RELN: variants seen among roughly 807,000 people sequenced by gnomAD.
RELN encodes the protein reelin.
A neutral mutation model predicts 427.6 loss-of-function variants in RELN; 108 were observed. The observed-to-expected ratio is 0.25, with a 90% CI of 0.22 to 0.30. The LOEUF (loss-of-function observed/expected upper bound fraction) is 0.30. Ranked by LOEUF, RELN falls within the 10% of genes least tolerant of loss-of-function variation. RELN has a pLI of 1.00. For synonymous variants in RELN, 1,524 were observed against 1,513.4 expected (o/e 1.01, Z -0.16); for missense variants, 3,715 against 4,302.8 (o/e 0.86, Z 3.82).
intron 6 of RELN, among the ~76,000 whole-genome samples, chr7:103,733,771 C>G (rs996878260): frequency 4.7e-5 from 7 of 149,208 alleles, no homozygotes; most frequent in Admixed American, 6.7e-5. Context: ...AGGGGAACAT[C>G]ACACTCTGGG....
chr7:103,541,408 G>T (rs542192416), intron 43 of RELN, among the ~76,000 whole-genome samples: 1 of 152,186 alleles, frequency 6.6e-6, no homozygotes, highest in African/African-American at 2.4e-5. Flanking sequence ...AATATTATCA[G>T]TACCATATGT....
At position 103,596,518 on chromosome 7, in the gene RELN, G is replaced by T. The variant is rs114684479; in HGVS notation, c.3477C>A (p.Asn1159Lys). Residue 1159 changes from asparagine to lysine, a missense_variant, in exon 25 of 65, where the codon AAC (asparagine) becomes AAA (lysine). Asn to Lys is a moderately conservative substitution (Grantham distance 94). Coordinates refer to ENST00000428762, the MANE Select transcript of RELN (RefSeq NM_005045.4). ...GCAGGTGCCACTGGATGCCCCCATT[G>T]TTGCTGTACTGAAGGAGGACGCCCT... ...REEGVLLQYS[N>K]NGGIQWHLLA... 1.7e-3 allele frequency: 2,765 copies of T among 1,614,028 alleles called. 8 individuals carry two copies. The highest frequency in any genetic ancestry group is 8.4e-3 in the Middle Eastern group (51 of 6,058).
Position 103,677,227 on chromosome 7 carries a change from A to T in RELN, c.1289+4889T>A, listed in dbSNP as rs949797424. On this transcript the variant is annotated intron_variant, in intron 11 of 64. Coordinates refer to ENST00000428762, the MANE Select transcript of RELN (RefSeq NM_005045.4). Reference sequence around the variant, plus strand: ...AGTTGAACAATAAGAACACATGGACATAGGGAGGGGAACATCATACACTAG... The same window carrying T: ...AGTTGAACAATAAGAACACATGGACTTAGGGAGGGGAACATCATACACTAG... 2.7e-5 allele frequency among the ~76,000 whole-genome samples: 4 copies of T among 148,524 alleles called. No individual in the cohort carries two copies. The East Asian group carries it at 8.2e-4, about 30-fold the overall frequency.
In RELN at chr7:103,488,599, C is replaced by G. The variant is rs995757736; in HGVS notation, c.9763+1143G>C. Among the ~76,000 whole-genome samples the G allele has an allele frequency of 2.6e-5, 4 of 152,266 alleles. No individual in the cohort carries two copies. The South Asian group carries it at 8.3e-4, about 32-fold the overall frequency. On this transcript the variant is annotated intron_variant, in intron 60 of 64. Transcript: ENST00000428762. Reference sequence around the variant, plus strand: ...ATCAACCAAGAAATCTAAATAGATCCGACTCCAGAATTCAAAAACATGGAT... The same window carrying G: ...ATCAACCAAGAAATCTAAATAGATCGGACTCCAGAATTCAAAAACATGGAT...
intron 8 of RELN, among the ~76,000 whole-genome samples, chr7:103,705,952 C>T (rs1044618891): frequency 1.3e-5 from 2 of 152,138 alleles, no homozygotes; most frequent in South Asian, 2.1e-4. Context: ...AATTTCATTT[C>T]ATAAATTTAT....
At chr7:103,757,385 C>T (rs1287956430) in intron 4 of RELN, among the ~76,000 whole-genome samples, 7 of 152,084 alleles carry the variant, frequency 4.6e-5, no homozygotes. Flanking sequence ...GTTTTTATCT[C>T]AACATTTTAT....
chr7:103,984,045 C>T (rs1190813908), intron 1 of RELN, among the ~76,000 whole-genome samples: 3 of 151,922 alleles, frequency 2.0e-5, no homozygotes, highest in Admixed American at 6.6e-5. Context: ...CAAACTAGCA[C>T]TTGAAGTGAT....
At chr7:103,761,174 A>G (rs17290575) in intron 4 of RELN, among the ~76,000 whole-genome samples, 26,644 of 152,136 alleles carry the variant, frequency 0.18, 2,481 homozygotes, top group Middle Eastern at 0.33. Flanking sequence ...ATATTCTAAT[A>G]TAAACGAAAT....
intron 2 of RELN, among the ~76,000 whole-genome samples, chr7:103,907,764 GT>G (rs60768309): frequency 0.67 from 100,652 of 150,178 alleles, 33,927 homozygotes; most frequent in African/African-American, 0.73. Context: ...CAGAAAGCCT[GT>G]TTTTTTTTCT....
chr7:103,494,394 G>GTGTGTGTGTGTGTGTGTGTGTGTGTGA (rs774896895), intron 57 of RELN, among the ~76,000 whole-genome samples: 4 of 134,452 alleles, frequency 3.0e-5, no homozygotes, highest in African/African-American at 6.0e-5. Flanking sequence ...TGTGTGTGTG[G>GTGTGTGTGTGTGTGTGTGTGTGTGTGA]GATATGGTCT....
At chr7:103,590,594 AAATAAAT>A (rs1487641507) in intron 27 of RELN, among the ~76,000 whole-genome samples, 45 of 124,952 alleles carry the variant, frequency 3.6e-4, no homozygotes, top group African/African-American at 9.6e-4. Context: ...ATAAATAAAT[AAATAAAT>A]ATAAAATAAA....
chr7:103,767,137 T>TGCATACTGCTGGACCACTG (rs1333192723), intron 4 of RELN, among the ~76,000 whole-genome samples: 3 of 152,220 alleles, frequency 2.0e-5, no homozygotes, highest in African/African-American at 7.2e-5. Context: ...CTGTGATGTG[T>TGCATACTGCTGGACCACTG]GCATACTGCT....
intron 2 of RELN, among the ~76,000 whole-genome samples, chr7:103,892,830 T>C (rs2116596166): frequency 6.6e-6 from 1 of 152,312 alleles, no homozygotes; most frequent in South Asian, 2.1e-4. Context: ...AGGAAATTCC[T>C]GTAGGCATGT....
intron 8 of RELN, among the ~76,000 whole-genome samples, chr7:103,704,278 T>C (rs1274189754): frequency 6.6e-6 from 1 of 152,242 alleles, no homozygotes; most frequent in Non-Finnish European, 1.5e-5. Flanking sequence ...GTCATTTTAA[T>C]AACTTCCTTT....
chr7:103,721,113 C>T (rs1402634234), intron 8 of RELN, among the ~76,000 whole-genome samples: 2 of 152,072 alleles, frequency 1.3e-5, no homozygotes, highest in African/African-American at 4.8e-5. Context: ...GTTAAAATTT[C>T]ACTTCTGGTT....
intron 1 of RELN, among the ~76,000 whole-genome samples, chr7:103,928,614 T>C (rs1403333412): frequency 6.6e-6 from 1 of 152,238 alleles, no homozygotes; most frequent in African/African-American, 2.4e-5. Context: ...TGAGGCTACA[T>C]TAAGAATTCC....
chr7:103,614,926 T>C lies in RELN; in HGVS notation c.2703-3123A>G, dbSNP rs147737214. ...GGCAGTGATACTGGGTCTGTTTTTT[T>C]TCACAGACTATGAATTTCACAGACT... On this transcript the variant is annotated intron_variant, in intron 20 of 64. Transcript: ENST00000428762. Among the ~76,000 whole-genome samples, 501 of 152,340 alleles carry C rather than the reference T, an allele frequency of 3.3e-3. 7 individuals carry two copies. Among genetic ancestry groups the C allele is most frequent in the African/African-American group, 0.012 (479 of 41,588 alleles).
chr7:103,787,400 T>G (rs2116255373), intron 3 of RELN, among the ~76,000 whole-genome samples: 1 of 150,690 alleles, frequency 6.6e-6, no homozygotes, highest in Non-Finnish European at 1.5e-5. Context: ...CAGGAGCTGG[T>G]TTTCTGAAAA....
chr7:103,575,155 A>G (rs1055813323), intron 29 of RELN, among the ~76,000 whole-genome samples: 3 of 152,216 alleles, frequency 2.0e-5, no homozygotes, highest in African/African-American at 7.2e-5. Context: ...TGGGATAGTT[A>G]TTAAATCTCT....
Sources: gnomAD v4.1 joint callset for allele counts (sites outside exome capture counted in the v4.1 genomes callset) on GRCh38, gnomAD v4.1.1 for gene constraint, MANE v1.5 for transcripts, NCBI Gene and HGNC (gene_info 2026-07-23, HGNC 2026-07-21) for gene names.